ZMAT3: variants seen among roughly 807,000 people sequenced by gnomAD.
ZMAT3 encodes the protein zinc finger matrin-type protein 3.
Under a neutral mutation model 32.3 loss-of-function variants are expected in ZMAT3, and 17 were observed. The observed-to-expected ratio is 0.53, with a 90% CI of 0.36 to 0.79. The LOEUF (loss-of-function observed/expected upper bound fraction) is 0.79. Ranked by LOEUF, ZMAT3 falls within the 30% of genes least tolerant of loss-of-function variation. The pLI is 0.00. For missense variants in ZMAT3, 329 were observed against 359.7 expected, an observed-to-expected ratio of 0.91 and a Z score of 0.69; for synonymous variants, 120 against 133.1, an observed-to-expected ratio of 0.90 and a Z score of 0.68.
At chr3:179,058,389 C>T (rs966465501) in intron 2 of ZMAT3, among the ~76,000 whole-genome samples, 1 of 152,204 alleles carries the variant, frequency 6.6e-6, no homozygotes, top group South Asian at 2.1e-4. Context: ...CTATGCCACT[C>T]GAGGGGACCT....
intron 2 of ZMAT3, among the ~76,000 whole-genome samples, chr3:179,040,376 C>T (rs1055371217): frequency 3.3e-5 from 5 of 152,158 alleles, no homozygotes; most frequent in Admixed American, 6.5e-5. Context: ...AGACTAACAG[C>T]GGATCTCTCG....
intron 2 of ZMAT3, among the ~76,000 whole-genome samples, chr3:179,050,349 T>A (rs1720486433): frequency 6.6e-6 from 1 of 152,126 alleles, no homozygotes; most frequent in African/African-American, 2.4e-5. Context: ...TATGAACACC[T>A]TTATGTGCAT....
chr3:179,046,402 C>T lies in ZMAT3; in HGVS notation c.271-15403G>A, dbSNP rs1457149449. Among the ~76,000 whole-genome samples, 1 of 151,962 alleles carries T rather than the reference C, an allele frequency of 6.6e-6. No individual in the cohort carries two copies. Among genetic ancestry groups the T allele is most frequent in the Admixed American group, 6.6e-5 (1 of 15,264 alleles). On this transcript the variant is annotated intron_variant, in intron 2 of 5. Coordinates refer to ENST00000311417, the MANE Select transcript of ZMAT3 (RefSeq NM_022470.4). This position sits in a 1 kb window ranked among gnomAD's most constrained non-coding sequence, Gnocchi z 4.3. The stretch of plus-strand genomic sequence containing the variant: ...GCAGACAGGAGGCAGGACTAACTAG[C>T]AGCTCCCACTCAGATGGACAGAGCA...
intron 2 of ZMAT3, among the ~76,000 whole-genome samples, chr3:179,051,125 A>G (rs903405775): frequency 1.3e-5 from 2 of 152,222 alleles, no homozygotes; most frequent in African/African-American, 4.8e-5. Context: ...TAGTACTGGA[A>G]GTCCTAGCCA....
In ZMAT3 at chr3:179,019,798, T is replaced by C. The variant is rs1259086371; in HGVS notation, c.*5219A>G. The C allele has an allele frequency of 1.3e-5, 2 of 152,204 alleles. No individual in the cohort carries two copies. Among genetic ancestry groups the C allele is most frequent in the East Asian group, 3.8e-4 (2 of 5,202 alleles). 9.4% of individuals were successfully genotyped at this position (152,204 alleles called of 1,614,324 possible). A position where few individuals can be genotyped will look rare whatever the true frequency, so the allele number is the denominator to read the frequency against. On this transcript the variant is annotated 3_prime_UTR_variant, in exon 6 of 6. Coordinates refer to ENST00000311417, the MANE Select transcript of ZMAT3 (RefSeq NM_022470.4). ...AATTAATAATTATTGTGCCAGTCTCTTCGCTTTAGCTGCAAATACATAATT... is the reference window on the plus strand; with the variant it reads ...AATTAATAATTATTGTGCCAGTCTCCTCGCTTTAGCTGCAAATACATAATT...
intron 2 of ZMAT3, among the ~76,000 whole-genome samples, chr3:179,064,654 C>G (rs1721313510): frequency 1.3e-5 from 2 of 152,122 alleles, no homozygotes; most frequent in South Asian, 4.1e-4. Flanking sequence ...TGGTCTTGAA[C>G]TCCTGAACGC....
At chr3:179,034,820 C>G (rs1297167923) in intron 2 of ZMAT3, among the ~76,000 whole-genome samples, 1 of 152,204 alleles carries the variant, frequency 6.6e-6, no homozygotes, top group Non-Finnish European at 1.5e-5. Context: ...CCATCCTTCC[C>G]TAAGCCCAAC....
At chr3:179,056,654 G>A (rs1720863350) in intron 2 of ZMAT3, among the ~76,000 whole-genome samples, 1 of 152,148 alleles carries the variant, frequency 6.6e-6, no homozygotes, top group Non-Finnish European at 1.5e-5. Context: ...AGAGCCCCGG[G>A]TATGCTTGAC....
In ZMAT3 at chr3:179,023,709, TA is replaced by T. The variant is rs1479640534; in HGVS notation, c.*1307del. ...TGGAAAATATATCTATATATATATA[TA>T]TTTTTTTTTTTTTTTTTTTTTTTTT... On this transcript the variant is annotated 3_prime_UTR_variant, in exon 6 of 6. Coordinates refer to ENST00000311417, the MANE Select transcript of ZMAT3 (RefSeq NM_022470.4). 2.1e-3 allele frequency: 55 copies of T among 25,648 alleles called. 7 individuals carry two copies. The highest frequency in any genetic ancestry group is 3.2e-3 in the Non-Finnish European group (48 of 14,786). 1.6% of individuals were successfully genotyped at this position (25,648 alleles called of 1,614,324 possible).
Position 179,067,631 on chromosome 3 carries a change from T to C in ZMAT3, c.122A>G (p.Gln41Arg), listed in dbSNP as rs762898317. ...CCCTGCAAGAGGCAAGGAAGCCTCC[T>C]GCCCAAAAGGCTTCTGTGGTGGAAG... ...LQLPPQKPFG[Q>R]EASLPLAGEE... is the part of the protein sequence containing the mutation. The change falls in exon 2 of 6, where the codon CAG becomes CGG. Residue 41 changes from glutamine (Q) to arginine (R), a missense_variant. Physicochemically the swap from Gln to Arg is conservative, Grantham distance 43. Transcript: ENST00000311417. 6.2e-7 allele frequency: 1 copy of C among 1,614,204 alleles called. No individual in the cohort carries two copies. The highest frequency in any genetic ancestry group is 1.6e-4 in the Middle Eastern group (1 of 6,062).
chr3:179,066,745 T>C (rs1038325419), intron 2 of ZMAT3, among the ~76,000 whole-genome samples: 1 of 152,244 alleles, frequency 6.6e-6, no homozygotes, highest in South Asian at 2.1e-4. Context: ...TACCGTCTCT[T>C]GCTAACCAAA....
chr3:179,031,073 C>A, intron 2 of ZMAT3, 74 bp from the exon 3 acceptor site: 2 of 1,332,648 alleles, frequency 1.5e-6, no homozygotes, highest in Admixed American at 2.5e-5. Context: ...TAGCTATGGT[C>A]AACTGTGGTC....
At chr3:179,043,256 C>T (rs1487459363) in intron 2 of ZMAT3, among the ~76,000 whole-genome samples, 2 of 152,152 alleles carry the variant, frequency 1.3e-5, no homozygotes, top group East Asian at 1.9e-4. Context: ...AAAAAGAGCC[C>T]GCATTGCCAA....
At chr3:179,027,364 A>G (rs1718924649) in intron 5 of ZMAT3, 59 bp downstream of exon 5, 9 of 1,459,750 alleles carry the variant, frequency 6.2e-6, no homozygotes, top group Non-Finnish European at 8.5e-6. Context: ...TAAAAGAAAT[A>G]AAAACAAAGG....
intron 2 of ZMAT3, among the ~76,000 whole-genome samples, chr3:179,044,285 C>T (rs540284152): frequency 4.6e-5 from 7 of 152,232 alleles, no homozygotes; most frequent in South Asian, 2.1e-4. Context: ...ATGTTTATTG[C>T]GGCACTATTC....
At chr3:179,060,028 G>T (rs139715153) in intron 2 of ZMAT3, among the ~76,000 whole-genome samples, 5,465 of 152,172 alleles carry the variant, frequency 0.036, 207 homozygotes, top group Middle Eastern at 0.061. Flanking sequence ...AGCACAGTGG[G>T]AGGGACAATG....
Position 179,024,034 on chromosome 3 carries a change from C to T in ZMAT3, c.*983G>A, listed in dbSNP as rs934979042. 1 of 151,758 alleles carries T rather than the reference C, an allele frequency of 6.6e-6. No homozygotes were observed. Among genetic ancestry groups the T allele is most frequent in the South Asian group, 2.1e-4 (1 of 4,824 alleles). 9.4% of individuals were successfully genotyped at this position (151,758 alleles called of 1,614,324 possible). A position where few individuals can be genotyped will look rare whatever the true frequency, so the allele number is the denominator to read the frequency against. On this transcript the variant is annotated 3_prime_UTR_variant, in exon 6 of 6. Coordinates refer to ENST00000311417, the MANE Select transcript of ZMAT3 (RefSeq NM_022470.4). ...CGCGCCCGGCCCTATTTTTTGAAAT[C>T]ATATCCATCTTAAACTCATTGAATA...
At chr3:179,045,003 C>T (rs1720153040) in intron 2 of ZMAT3, among the ~76,000 whole-genome samples, 1 of 151,786 alleles carries the variant, frequency 6.6e-6, no homozygotes. Context: ...GCATTGTGCA[C>T]ATGTACCCCA....
chr3:179,043,221 T>G (rs1453022048), intron 2 of ZMAT3, among the ~76,000 whole-genome samples: 3 of 152,194 alleles, frequency 2.0e-5, no homozygotes, highest in Admixed American at 1.3e-4. Flanking sequence ...TGGAAAAAAC[T>G]ACTTTAAAGT....
Sources: gnomAD v4.1 joint callset for allele counts (sites outside exome capture counted in the v4.1 genomes callset) on GRCh38, gnomAD v4.1.1 for gene constraint, Gnocchi (gnomAD v3.1) non-coding constraint, MANE v1.5 for transcripts, NCBI Gene and HGNC (gene_info 2026-07-23, HGNC 2026-07-21) for gene names.